ZDHHC3: variants seen among roughly 807,000 people sequenced by gnomAD.
ZDHHC3 encodes the protein zDHHC palmitoyltransferase 3.
In ZDHHC3, 9 loss-of-function variants were observed where a neutral mutation model predicts 30.6. The observed-to-expected ratio is 0.29, with a 90% CI of 0.18 to 0.51. ZDHHC3 has a LOEUF of 0.51. Among genes scored for constraint, ZDHHC3 ranks in the 20% least tolerant of loss-of-function variants. The pLI is 0.97. For synonymous variants in ZDHHC3, 136 were observed against 140.2 expected (o/e 0.97, Z 0.21); for missense variants, 246 against 384.2 (o/e 0.64, Z 3.01).
chr3:44,927,423 C>T (rs1014634460), intron 6 of ZDHHC3, among the ~76,000 whole-genome samples: 4 of 152,190 alleles, frequency 2.6e-5, no homozygotes, highest in South Asian at 2.1e-4. Flanking sequence ...AGCAGCACCC[C>T]GCTTAGTGGG....
chr3:44,968,278 G>A (rs925083303), intron 1 of ZDHHC3, among the ~76,000 whole-genome samples: 2 of 151,978 alleles, frequency 1.3e-5, no homozygotes, highest in African/African-American at 4.8e-5. Flanking sequence ...AAGTGAGGGG[G>A]ATGGACTAGG....
Position 44,959,345 on chromosome 3 carries a change from C to G in ZDHHC3, c.92G>C (p.Gly31Ala). The change falls in exon 2 of 7, where the codon GGT (glycine) becomes GCT (alanine). Residue 31 changes from glycine (G) to alanine (A), a missense_variant. Transcript: ENST00000424952. This position sits in a 1 kb window ranked among gnomAD's most constrained non-coding sequence, Gnocchi z 4.3. ...GATAAACCACATGGTTCCCACAGGA[C>G]CAGGGTAGGGGGGTGGGACACACTT... ...PEKCVPPPYPGPVGTMWFIRD... is the reference protein window; with the variant it reads ...PEKCVPPPYPAPVGTMWFIRD... The G allele has an allele frequency of 6.2e-7, 1 of 1,614,206 alleles. No homozygotes were observed.
chr3:44,971,764 C>T (rs879776242), intron 1 of ZDHHC3, among the ~76,000 whole-genome samples: 2 of 152,154 alleles, frequency 1.3e-5, no homozygotes, highest in South Asian at 2.1e-4. Context: ...AAGCTTTACC[C>T]ATGTATTACT....
rs983001886 is a variant in ZDHHC3 at position 44,922,736 on chromosome 3, C to G, written c.*3953G>C. On this transcript the variant is annotated 3_prime_UTR_variant, in exon 7 of 7. Transcript: ENST00000424952. The stretch of plus-strand genomic sequence containing the variant: ...AAGACACGGGCTGCTGGGCCCCGCT[C>G]GGTTTCTGGTTCGGTAGCCTGGGGT... 5.1e-6 allele frequency: 5 copies of G among 984,682 alleles called. No homozygotes were observed. Among genetic ancestry groups the G allele is most frequent in the Admixed American group, 6.2e-5 (1 of 16,254 alleles). 61.0% of individuals were successfully genotyped at this position (984,682 alleles called of 1,614,324 possible).
In ZDHHC3 at chr3:44,918,651, G is replaced by A; in HGVS notation, c.*8038C>T. ...GGACACAAACAGCATGCGAGGTGAA[G>A]AAGCGGGTGCTCGTACAGCAAGTGC... is the stretch of plus-strand genomic sequence containing the variant. On this transcript the variant is annotated 3_prime_UTR_variant, in exon 7 of 7. Transcript: ENST00000424952. 1.0e-6 allele frequency: 1 copy of A among 1,001,348 alleles called. No individual in the cohort carries two copies. The highest frequency in any genetic ancestry group is 1.2e-6 in the Non-Finnish European group (1 of 837,520). The allele number at this position is 1,001,348 out of a possible 1,614,324, so 62.0% of individuals were successfully genotyped here.
In ZDHHC3 at chr3:44,918,243, G is replaced by C. The variant is rs913546482; in HGVS notation, c.*8446C>G. On this transcript the variant is annotated 3_prime_UTR_variant, in exon 7 of 7. Transcript: ENST00000424952. ...ATAGCATAGCAGTGGCGGGGGGGGG[G>C]GCGGGGTGTCCACGGCATGGGTAAG... The C allele has an allele frequency of 2.6e-6, 3 of 1,161,948 alleles. No homozygotes were observed. The highest frequency in any genetic ancestry group is 3.4e-5 in the African/African-American group (2 of 59,068). The allele number at this position is 1,161,948 out of a possible 1,614,324, so 72.0% of individuals were successfully genotyped here.
intron 3 of ZDHHC3, chr3:44,937,917 A>G (rs1212848382): frequency 4.1e-6 from 2 of 489,690 alleles, no homozygotes; most frequent in Non-Finnish European, 8.2e-6. Flanking sequence ...CTCTGCCCTG[A>G]TCATCAAAGC....
At chr3:44,971,995 T>C (rs1255544104) in intron 1 of ZDHHC3, among the ~76,000 whole-genome samples, 2 of 152,120 alleles carry the variant, frequency 1.3e-5, no homozygotes, top group African/African-American at 2.4e-5. Flanking sequence ...TAAGACAAGG[T>C]ACAGGCGGGA....
At chr3:44,967,935 G>A (rs535171308) in intron 1 of ZDHHC3, among the ~76,000 whole-genome samples, 5 of 152,304 alleles carry the variant, frequency 3.3e-5, no homozygotes, top group African/African-American at 1.2e-4. Context: ...TCAGGACTAC[G>A]CAAAGCAGCT....
At position 44,915,963 on chromosome 3, in the gene ZDHHC3, G is replaced by A. The variant is rs1003266667; in HGVS notation, c.*10726C>T. 1 of 152,144 alleles carries A rather than the reference G, an allele frequency of 6.6e-6. No individual in the cohort carries two copies. Among genetic ancestry groups the A allele is most frequent in the Non-Finnish European group, 1.5e-5 (1 of 68,050 alleles). The allele number at this position is 152,144 out of a possible 1,614,324, so 9.4% of individuals were successfully genotyped here. On this transcript the variant is annotated 3_prime_UTR_variant, in exon 7 of 7. Transcript: ENST00000424952. The stretch of plus-strand genomic sequence containing the variant: ...TTCTGGGTTAGGACAACAAATAGGG[G>A]GCCCTACAGTCAGAGCAGCTCTTAC...
Position 44,919,018 on chromosome 3 carries a change from A to G in ZDHHC3, c.*7671T>C. The G allele has an allele frequency of 2.0e-6, 2 of 985,488 alleles. No homozygotes were observed. The highest frequency in any genetic ancestry group is 4.7e-5 in the South Asian group (1 of 21,290). 61.0% of individuals were successfully genotyped at this position (985,488 alleles called of 1,614,324 possible). A position where few individuals can be genotyped will look rare whatever the true frequency, so the allele number is the denominator to read the frequency against. ...CTGGGCTTGGGCACTGCTCCTTCAC[A>G]TGACTCAAGAAAGATCTCTGTGTAT... is the stretch of plus-strand genomic sequence containing the variant. On this transcript the variant is annotated 3_prime_UTR_variant, in exon 7 of 7. Coordinates refer to ENST00000424952, the MANE Select transcript of ZDHHC3 (RefSeq NM_001135179.2).
intron 2 of ZDHHC3, among the ~76,000 whole-genome samples, chr3:44,948,898 A>G (rs1280597278): frequency 6.6e-6 from 1 of 152,232 alleles, no homozygotes; most frequent in Non-Finnish European, 1.5e-5. Context: ...ATTCAGAGCA[A>G]TGACGTGCTT....
chr3:44,930,556 C>G (rs558211584), intron 5 of ZDHHC3, among the ~76,000 whole-genome samples: 1 of 152,286 alleles, frequency 6.6e-6, no homozygotes, highest in Non-Finnish European at 1.5e-5. Flanking sequence ...TTCATTAATT[C>G]TGGGAATTAA....
chr3:44,943,195 G>A (rs1307775877), intron 3 of ZDHHC3, among the ~76,000 whole-genome samples: 1 of 152,148 alleles, frequency 6.6e-6, no homozygotes, highest in African/African-American at 2.4e-5. Flanking sequence ...ACTACATAAA[G>A]TTACATGTGT....
chr3:44,939,102 C>A (rs1575826370), intron 3 of ZDHHC3, among the ~76,000 whole-genome samples: 1 of 152,160 alleles, frequency 6.6e-6, no homozygotes, highest in East Asian at 1.9e-4. Context: ...CTAACACAGG[C>A]ATGTTGGGAA....
At chr3:44,973,499 C>A (rs1705577177) in intron 1 of ZDHHC3, among the ~76,000 whole-genome samples, 1 of 152,002 alleles carries the variant, frequency 6.6e-6, no homozygotes, top group South Asian at 2.1e-4. Context: ...GCTCTTGTTG[C>A]CCAGGCTGGA....
At chr3:44,938,431 T>A in intron 3 of ZDHHC3, 2 of 220,684 alleles carry the variant, frequency 9.1e-6, no homozygotes, top group Non-Finnish European at 9.6e-6. Context: ...GCCACCCTCA[T>A]GACATCACAG....
intron 2 of ZDHHC3, among the ~76,000 whole-genome samples, chr3:44,955,723 C>T (rs1228423527): frequency 2.0e-5 from 3 of 152,152 alleles, no homozygotes; most frequent in Non-Finnish European, 4.4e-5. Context: ...GCTTCCAACT[C>T]TGCTCCTTGG....
intron 3 of ZDHHC3, 99 bp downstream of exon 3, chr3:44,945,069 G>T: frequency 6.5e-7 from 1 of 1,548,938 alleles, no homozygotes; most frequent in Non-Finnish European, 8.8e-7. Flanking sequence ...CTTGGCCCCT[G>T]TTGGGGAAGT....
Sources: allele counts gnomAD v4.1 joint callset (sites outside exome capture counted in the v4.1 genomes callset), GRCh38; gene constraint gnomAD v4.1.1; non-coding constraint Gnocchi (gnomAD v3.1); transcripts MANE v1.5; gene names NCBI Gene and HGNC (gene_info 2026-07-23, HGNC 2026-07-21).